The following CDK14 variants were observed in gnomAD, a reference collection of about 807,000 sequenced individuals.
CDK14 encodes the protein cyclin dependent kinase 14.
A neutral mutation model predicts 60.7 loss-of-function variants in CDK14; 34 were observed. That is an observed-to-expected ratio of 0.56 (90% CI 0.43 to 0.75). The LOEUF is 0.75. Among genes scored for constraint, CDK14 ranks in the 30% least tolerant of loss-of-function variants. The pLI is 0.00. For missense variants in CDK14, 482 were observed against 564.1 expected (o/e 0.85, Z 1.47); for synonymous variants, 197 against 203.7 (o/e 0.97, Z 0.28).
intron 8 of CDK14, among the ~76,000 whole-genome samples, chr7:90,923,786 A>G (rs773156471): frequency 1.3e-5 from 2 of 152,220 alleles, no homozygotes; most frequent in African/African-American, 2.4e-5. Flanking sequence ...TTTCCTGTAC[A>G]ATTTGAGGGC....
chr7:90,854,408 C>T (rs1164119714), intron 5 of CDK14, among the ~76,000 whole-genome samples: 5 of 151,976 alleles, frequency 3.3e-5, no homozygotes, highest in Admixed American at 6.6e-5. Flanking sequence ...CCAGGGGTGG[C>T]GGCAGGTGCC....
chr7:90,899,151 A>G (rs1416409390), intron 6 of CDK14, 140 bp from the exon 7 acceptor site: 1 of 561,778 alleles, frequency 1.8e-6, no homozygotes, highest in East Asian at 3.5e-5. Flanking sequence ...GAGGCATGCC[A>G]CTACATACAC....
chr7:90,934,021 G>A (rs1473259215), intron 8 of CDK14, among the ~76,000 whole-genome samples: 1 of 152,228 alleles, frequency 6.6e-6, no homozygotes, highest in Non-Finnish European at 1.5e-5. Context: ...TTCTTATTTA[G>A]CCTGCAGGCT....
At chr7:90,917,772 G>A (rs769108373) in intron 8 of CDK14, 48 bp downstream of exon 8, 6 of 1,591,690 alleles carry the variant, frequency 3.8e-6, no homozygotes, top group Non-Finnish European at 5.2e-6. Context: ...CTGTGAGAAT[G>A]CCAGGCAGAT....
At chr7:90,999,545 T>C (rs1252030619) in intron 10 of CDK14, among the ~76,000 whole-genome samples, 1 of 151,872 alleles carries the variant, frequency 6.6e-6, no homozygotes, top group African/African-American at 2.4e-5. Flanking sequence ...GCCGAGATCA[T>C]GCCACTGCAC....
intron 2 of CDK14, among the ~76,000 whole-genome samples, chr7:90,640,811 A>G (rs1378795323): frequency 6.6e-6 from 1 of 152,094 alleles, no homozygotes; most frequent in African/African-American, 2.4e-5. Context: ...ATTCTTTTAA[A>G]TGTATCCAGA....
intron 1 of CDK14, among the ~76,000 whole-genome samples, chr7:90,597,904 G>A (rs113041840): frequency 1.2e-3 from 170 of 146,818 alleles, no homozygotes; most frequent in African/African-American, 4.0e-3. Flanking sequence ...CCAGATGACT[G>A]TAAAGTTATG....
intron 10 of CDK14, among the ~76,000 whole-genome samples, chr7:91,040,283 G>A (rs1401907425): frequency 6.6e-6 from 1 of 152,036 alleles, no homozygotes; most frequent in Non-Finnish European, 1.5e-5. Flanking sequence ...TCAGAATTAG[G>A]CGGTTCTGCT....
intron 13 of CDK14, among the ~76,000 whole-genome samples, chr7:91,113,849 T>A (rs1387583493): frequency 6.6e-6 from 1 of 151,834 alleles, no homozygotes; most frequent in Non-Finnish European, 1.5e-5. Context: ...TTCTCATTAC[T>A]TTTTTTTAAC....
chr7:90,845,963 C>T (rs564770074), intron 5 of CDK14, among the ~76,000 whole-genome samples: 14 of 152,170 alleles, frequency 9.2e-5, no homozygotes, highest in African/African-American at 3.4e-4. Context: ...GCTGGATGAA[C>T]CTTACAGAGG....
At chr7:90,866,928 C>T (rs1443362356) in intron 6 of CDK14, among the ~76,000 whole-genome samples, 1 of 151,962 alleles carries the variant, frequency 6.6e-6, no homozygotes, top group Non-Finnish European at 1.5e-5. Flanking sequence ...AATTTAGATT[C>T]TTATACAGTT....
chr7:91,003,991 T>C (rs1445297948), intron 10 of CDK14, among the ~76,000 whole-genome samples: 1 of 152,084 alleles, frequency 6.6e-6, no homozygotes, highest in Non-Finnish European at 1.5e-5. Flanking sequence ...TATCAAAATA[T>C]GTGGAATAGA....
At chr7:90,658,906 TC>T (rs1800807835) in intron 2 of CDK14, among the ~76,000 whole-genome samples, 2 of 152,206 alleles carry the variant, frequency 1.3e-5, no homozygotes, top group South Asian at 4.1e-4. Context: ...TGCGATTGGT[TC>T]TTCATTCCTT....
intron 2 of CDK14, among the ~76,000 whole-genome samples, chr7:90,694,993 T>G (rs997047576): frequency 6.6e-6 from 1 of 152,202 alleles, no homozygotes; most frequent in African/African-American, 2.4e-5. Flanking sequence ...TAATCTTATG[T>G]GATCAGAATA....
At chr7:91,170,956 C>G (rs933360817) in intron 14 of CDK14, among the ~76,000 whole-genome samples, 1 of 151,718 alleles carries the variant, frequency 6.6e-6, no homozygotes, top group African/African-American at 2.4e-5. Flanking sequence ...TTAGTAGAGA[C>G]AGGGTTTCAC....
intron 11 of CDK14, among the ~76,000 whole-genome samples, chr7:91,053,089 C>G (rs1055089425): frequency 1.3e-5 from 2 of 151,856 alleles, no homozygotes; most frequent in African/African-American, 4.8e-5. Flanking sequence ...CTTTTTTGTT[C>G]CAGAGGGAGG....
At chr7:91,177,496 A>G (rs1316416631) in intron 14 of CDK14, among the ~76,000 whole-genome samples, 8 of 152,052 alleles carry the variant, frequency 5.3e-5, no homozygotes, top group Admixed American at 1.3e-4. Context: ...AGGGTATTCA[A>G]TTAGGAAAAG....
intron 9 of CDK14, among the ~76,000 whole-genome samples, chr7:90,957,266 T>C (rs1436696820): frequency 1.3e-5 from 2 of 152,078 alleles, no homozygotes; most frequent in South Asian, 2.1e-4. Flanking sequence ...CCACATCCTC[T>C]CCAGCACCTG....
At chr7:90,976,546 G>A (rs969840243) in intron 9 of CDK14, among the ~76,000 whole-genome samples, 1 of 151,274 alleles carries the variant, frequency 6.6e-6, no homozygotes, top group African/African-American at 2.4e-5. Flanking sequence ...TTAACTTTTT[G>A]TGGAGACAGT....
Sources: allele counts gnomAD v4.1 joint callset (sites outside exome capture counted in the v4.1 genomes callset), GRCh38; gene constraint gnomAD v4.1.1; transcripts MANE v1.5; gene names NCBI Gene and HGNC (gene_info 2026-07-23, HGNC 2026-07-21).